Variants in EXOC6 observed in about 807,000 individuals in gnomAD.
The protein encoded by EXOC6 is exocyst complex component 6, also known as SEC15-like 1.
Under a neutral mutation model 112.5 loss-of-function variants are expected in EXOC6, and 60 were observed. The observed-to-expected ratio is 0.53, with a 90% confidence interval of 0.43 to 0.66. EXOC6 has a LOEUF of 0.66. Among genes scored for constraint, EXOC6 ranks in the 30% least tolerant of loss-of-function variants. EXOC6 has a pLI of 0.00. For synonymous variants in EXOC6, 295 were observed against 308.0 expected, an observed-to-expected ratio of 0.96 and a Z score of 0.44; for missense variants, 855 against 957.1, an observed-to-expected ratio of 0.89 and a Z score of 1.41.
chr10:92,881,931 G>A (rs1848984543), intron 1 of EXOC6, among the ~76,000 whole-genome samples: 2 of 152,222 alleles, frequency 1.3e-5, no homozygotes, highest in East Asian at 3.9e-4. Flanking sequence ...CACCATGATT[G>A]TAAGTTCTCT....
chr10:93,023,795 A>G (rs1844892146), intron 20 of EXOC6, among the ~76,000 whole-genome samples: 1 of 152,214 alleles, frequency 6.6e-6, no homozygotes, highest in South Asian at 2.1e-4. Context: ...AATTTAAACT[A>G]TATTAAGATT....
At chr10:92,858,393 T>G (rs974304105) in intron 1 of EXOC6, among the ~76,000 whole-genome samples, 1 of 152,194 alleles carries the variant, frequency 6.6e-6, no homozygotes, top group Admixed American at 6.5e-5. Flanking sequence ...TATTTGAGAC[T>G]CTGTTCATTT....
intron 17 of EXOC6, among the ~76,000 whole-genome samples, chr10:92,969,747 G>A (rs1425509353): frequency 6.6e-6 from 1 of 152,026 alleles, no homozygotes; most frequent in Non-Finnish European, 1.5e-5. Flanking sequence ...AGGCTGGAGT[G>A]CAGTGGCGCG....
intron 19 of EXOC6, among the ~76,000 whole-genome samples, chr10:93,005,523 AT>A (rs1290242980): frequency 1.3e-5 from 2 of 152,192 alleles, no homozygotes; most frequent in Non-Finnish European, 2.9e-5. Context: ...AGAAGAAAAG[AT>A]TAATATGTCT....
chr10:92,895,558 C>T (rs1010393229), intron 4 of EXOC6, among the ~76,000 whole-genome samples: 1 of 152,086 alleles, frequency 6.6e-6, no homozygotes, highest in African/African-American at 2.4e-5. Context: ...TTTGTTAGGG[C>T]TAAATATTAC....
At position 92,974,103 on chromosome 10, in the gene EXOC6, A is replaced by C. The variant is rs1652333826; in HGVS notation, c.1824A>C (p.Lys608Asn). The C allele has an allele frequency of 6.2e-7, 1 of 1,603,434 alleles. No homozygotes were observed. Among genetic ancestry groups the C allele is most frequent in the Non-Finnish European group, 8.5e-7 (1 of 1,177,834 alleles). Residue 608 changes from lysine (K) to asparagine (N), a missense_variant, in exon 18 of 22, where the codon AAA becomes AAC. Physicochemically the swap from Lys to Asn is moderately conservative, Grantham distance 94. Around this residue, in one of 2 missense-constraint regions of EXOC6, gnomAD observed 450 missense variants for 563.5 expected, o/e 0.80. Transcript: ENST00000260762. ...AAATATATACCAAACTGAATCAAAA[A>C]ATTGATGAATTTGTTCAGCTTGCTG... ...EGEIYTKLNQ[K>N]IDEFVQLADY...
At position 92,997,568 on chromosome 10, in the gene EXOC6, G is replaced by A. The variant is rs765115803; in HGVS notation, c.2048G>A (p.Ser683Asn). The A allele has an allele frequency of 1.2e-6, 2 of 1,613,628 alleles. No homozygotes were observed. The highest frequency in any genetic ancestry group is 3.3e-5 in the Admixed American group (2 of 59,996). ...MLLDSELKQI[S>N]MGAVQQFNLD... ...CTGGACAGTGAGTTAAAACAAATAA[G>A]CATGGGAGCTGTTCAGCAGTTTAAC... Residue 683 changes from serine to asparagine, a missense_variant, in exon 19 of 22, where the codon AGC becomes AAC. Transcript: ENST00000260762.
At chr10:92,871,605 G>C (rs994357498) in intron 1 of EXOC6, among the ~76,000 whole-genome samples, 2 of 151,496 alleles carry the variant, frequency 1.3e-5, no homozygotes, top group Admixed American at 6.6e-5. Context: ...CTAGGAGATC[G>C]AGACCAGCCT....
chr10:92,966,334 T>C (rs1226088615), intron 17 of EXOC6, among the ~76,000 whole-genome samples: 1 of 149,054 alleles, frequency 6.7e-6, no homozygotes, highest in Non-Finnish European at 1.5e-5. Context: ...ATGTGCACAA[T>C]GTGCAGGTTA....
At chr10:92,908,827 G>A (rs984316537) in intron 5 of EXOC6, among the ~76,000 whole-genome samples, 2 of 152,012 alleles carry the variant, frequency 1.3e-5, no homozygotes, top group African/African-American at 4.8e-5. Flanking sequence ...AGCCCCCAAA[G>A]CCCAAAAGAG....
chr10:92,952,508 A>G (rs1343269399), intron 15 of EXOC6, 126 bp downstream of exon 15: 2 of 678,806 alleles, frequency 2.9e-6, no homozygotes, highest in Non-Finnish European at 5.2e-6. Flanking sequence ...TGTTTGTTAT[A>G]GGGGCATATT....
chr10:92,834,297 G>C (rs769849749), upstream of EXOC6, among the ~76,000 whole-genome samples: 1 of 152,160 alleles, frequency 6.6e-6, no homozygotes, highest in Non-Finnish European at 1.5e-5. Flanking sequence ...TGGAAGCATA[G>C]TTGCGGTAAT....
intron 1 of EXOC6, among the ~76,000 whole-genome samples, chr10:92,888,826 A>G (rs1725704158): frequency 6.6e-6 from 1 of 152,204 alleles, no homozygotes; most frequent in African/African-American, 2.4e-5. Flanking sequence ...CTTAGAAATA[A>G]TGTTATTTAG....
At chr10:92,923,879 C>T (rs1343868331) in intron 8 of EXOC6, among the ~76,000 whole-genome samples, 1 of 152,162 alleles carries the variant, frequency 6.6e-6, no homozygotes, top group Non-Finnish European at 1.5e-5. Context: ...ATACTCAGTA[C>T]TACCATGGTG....
intron 19 of EXOC6, among the ~76,000 whole-genome samples, chr10:93,004,466 T>A (rs991926805): frequency 6.6e-6 from 1 of 152,202 alleles, no homozygotes; most frequent in Non-Finnish European, 1.5e-5. Flanking sequence ...ACCATTTAAC[T>A]CCTTGATCTA....
At chr10:92,890,365 G>A (rs1849436881) in intron 1 of EXOC6, among the ~76,000 whole-genome samples, 2 of 151,754 alleles carry the variant, frequency 1.3e-5, no homozygotes, top group Non-Finnish European at 2.9e-5. Context: ...CTGCTAGTAA[G>A]TGCCTTTTCT....
intron 13 of EXOC6, among the ~76,000 whole-genome samples, chr10:92,947,589 A>C (rs1428123375): frequency 6.6e-6 from 1 of 152,226 alleles, no homozygotes; most frequent in Non-Finnish European, 1.5e-5. Flanking sequence ...CACAAGATAC[A>C]CAGCTTGAGA....
At chr10:92,910,416 A>G (rs903726268) in intron 6 of EXOC6, among the ~76,000 whole-genome samples, 1 of 152,214 alleles carries the variant, frequency 6.6e-6, no homozygotes, top group Non-Finnish European at 1.5e-5. Flanking sequence ...ATTCGAAAGC[A>G]GGTAGACTAA....
intron 18 of EXOC6, among the ~76,000 whole-genome samples, chr10:92,975,630 CT>C (rs1842531918): frequency 7.2e-6 from 1 of 139,224 alleles, no homozygotes; most frequent in African/African-American, 2.7e-5. Flanking sequence ...GGTCAGCCCC[CT>C]GCCCGGCCAG....
Sources: gnomAD v4.1 joint callset for allele counts (sites outside exome capture counted in the v4.1 genomes callset) on GRCh38, gnomAD v4.1.1 for gene constraint, gnomAD v4.1.1 regional missense constraint, MANE v1.5 for transcripts, NCBI Gene and HGNC (gene_info 2026-07-23, HGNC 2026-07-21) for gene names.